Variants in ST18 observed in about 807,000 individuals in gnomAD.
The protein encoded by ST18 is ST18 C2H2C-type zinc finger transcription factor.
Under a neutral mutation model 110.0 loss-of-function variants are expected in ST18, and 50 were observed. The observed-to-expected ratio is 0.45, with a 90% CI of 0.36 to 0.58. The LOEUF is 0.58. Among genes scored for constraint, ST18 ranks in the 20% least tolerant of loss-of-function variants. The pLI is 0.00. For missense variants in ST18, 1,306 were observed against 1,280.1 expected (o/e 1.02, Z -0.31); for synonymous variants, 461 against 452.4 (o/e 1.02, Z -0.24).
intron 13 of ST18, among the ~76,000 whole-genome samples, chr8:52,163,362 A>G (rs1479448842): frequency 6.6e-6 from 1 of 152,216 alleles, no homozygotes; most frequent in East Asian, 1.9e-4. Flanking sequence ...TTTTCCCTAC[A>G]AAAATGATTT....
chr8:52,350,826 T>C lies in ST18; in HGVS notation c.-465+58502A>G, dbSNP rs1434492486. Among the ~76,000 whole-genome samples, 4 of 151,988 alleles carry C rather than the reference T, an allele frequency of 2.6e-5. No individual in the cohort carries two copies. The South Asian group carries it at 8.3e-4, about 32-fold the overall frequency. Reference sequence around the variant, plus strand: ...ACCTCTGCCTCCCGGGTTCAAGCAATTCGATTGCCTCAGCCTCTTGAGTAG... The same window carrying C: ...ACCTCTGCCTCCCGGGTTCAAGCAACTCGATTGCCTCAGCCTCTTGAGTAG... On this transcript the variant is annotated intron_variant, in intron 2 of 25. Transcript: ENST00000689386.
intron 2 of ST18, among the ~76,000 whole-genome samples, chr8:52,309,760 T>C (rs2095873632): frequency 6.6e-6 from 1 of 152,122 alleles, no homozygotes; most frequent in South Asian, 2.1e-4. Context: ...TGCTTCCTTC[T>C]TTTACCTGCA....
Position 52,362,504 on chromosome 8 carries a change from T to C in ST18, c.-465+46824A>G, listed in dbSNP as rs138901911. Among the ~76,000 whole-genome samples, 361 of 152,298 alleles carry C rather than the reference T, an allele frequency of 2.4e-3. 1 individual carries two copies. Among genetic ancestry groups the C allele is most frequent in the South Asian group, 4.4e-3 (21 of 4,826 alleles). The stretch of plus-strand genomic sequence containing the variant: ...TCTCATTTATGAGATTAAACAGTCA[T>C]AGTACAACCTCAACCTACAAACATA... On this transcript the variant is annotated intron_variant, in intron 2 of 25. Transcript: ENST00000689386.
chr8:52,267,314 G>A (rs1474854669), intron 2 of ST18, among the ~76,000 whole-genome samples: 2 of 151,794 alleles, frequency 1.3e-5, no homozygotes, highest in African/African-American at 2.4e-5. Context: ...GGAACCGTCC[G>A]GGAATATGTA....
chr8:52,200,159 C>A (rs1451865492), intron 8 of ST18, among the ~76,000 whole-genome samples: 1 of 150,036 alleles, frequency 6.7e-6, no homozygotes, highest in Non-Finnish European at 1.5e-5. Context: ...TTAAGAGATT[C>A]CTGCTCCACA....
intron 2 of ST18, among the ~76,000 whole-genome samples, chr8:52,316,961 C>T (rs184110054): frequency 5.9e-4 from 90 of 152,206 alleles, no homozygotes; most frequent in Non-Finnish European, 2.2e-4. Flanking sequence ...CTTAAAGAAG[C>T]CTTCATCTCT....
intron 2 of ST18, among the ~76,000 whole-genome samples, chr8:52,308,111 T>C (rs1473373305): frequency 2.0e-5 from 3 of 152,178 alleles, no homozygotes; most frequent in African/African-American, 7.2e-5. Flanking sequence ...CCAGGGAGAA[T>C]GAATGAGCAT....
chr8:52,235,795 A>G (rs1010175869), intron 2 of ST18, among the ~76,000 whole-genome samples: 3 of 152,144 alleles, frequency 2.0e-5, no homozygotes, highest in African/African-American at 7.2e-5. Context: ...TAGCATTACT[A>G]TATCTTTGAC....
chr8:52,353,566 G>A (rs1355359090), intron 2 of ST18, among the ~76,000 whole-genome samples: 2 of 152,158 alleles, frequency 1.3e-5, no homozygotes, highest in East Asian at 3.8e-4. Context: ...TTAACATAGA[G>A]AAACTATTTA....
At chr8:52,269,695 C>T (rs7828951) in intron 2 of ST18, among the ~76,000 whole-genome samples, 46,321 of 151,882 alleles carry the variant, frequency 0.3, 7,269 homozygotes, top group Middle Eastern at 0.45. Context: ...GCCAATTTCA[C>T]GGTGGGATTA....
chr8:52,376,827 G>A (rs1590409356), intron 2 of ST18, among the ~76,000 whole-genome samples: 1 of 152,154 alleles, frequency 6.6e-6, no homozygotes. Context: ...CGAATTCTAA[G>A]GTAATACATG....
chr8:52,178,894 C>G (rs776151712), intron 9 of ST18, among the ~76,000 whole-genome samples: 2 of 151,980 alleles, frequency 1.3e-5, no homozygotes, highest in Non-Finnish European at 2.9e-5. Context: ...GCCAGTATTA[C>G]TGGATCTAGG....
At chr8:52,197,986 G>T (rs577664239) in intron 8 of ST18, among the ~76,000 whole-genome samples, 1 of 152,008 alleles carries the variant, frequency 6.6e-6, no homozygotes, top group Admixed American at 6.6e-5. Flanking sequence ...GACAAAAGGC[G>T]TTTTAAAGAC....
chr8:52,169,830 A>G (rs1394270274), intron 10 of ST18, among the ~76,000 whole-genome samples: 1 of 152,180 alleles, frequency 6.6e-6, no homozygotes, highest in Non-Finnish European at 1.5e-5. Flanking sequence ...TTGATCTTGC[A>G]GAGGCTGCCC....
chr8:52,333,900 AAGTCTC>A (rs1810806411), intron 2 of ST18, among the ~76,000 whole-genome samples: 1 of 151,764 alleles, frequency 6.6e-6, no homozygotes, highest in South Asian at 2.1e-4. Context: ...AGTTTCTGCA[AAGTCTC>A]AGAAAAGCCA....
intron 2 of ST18, among the ~76,000 whole-genome samples, chr8:52,362,051 G>T (rs780350622): frequency 2.0e-5 from 3 of 152,032 alleles, no homozygotes; most frequent in Non-Finnish European, 4.4e-5. Flanking sequence ...AACACTACCT[G>T]GCTTTTAATT....
intron 8 of ST18, among the ~76,000 whole-genome samples, chr8:52,205,687 C>T (rs1336114407): frequency 6.6e-6 from 1 of 152,120 alleles, no homozygotes; most frequent in Non-Finnish European, 1.5e-5. Flanking sequence ...CCTGCTTCAG[C>T]CACCTGAGTA....
At chr8:52,194,984 ATAAATG>A in intron 8 of ST18, among the ~76,000 whole-genome samples, 1 of 152,256 alleles carries the variant, frequency 6.6e-6, no homozygotes, top group African/African-American at 2.4e-5. Flanking sequence ...TAAAATATAA[ATAAATG>A]TCTTTCAATT....
intron 2 of ST18, among the ~76,000 whole-genome samples, chr8:52,383,439 T>A (rs909007524): frequency 6.6e-6 from 1 of 152,176 alleles, no homozygotes; most frequent in Admixed American, 6.5e-5. Flanking sequence ...TTTATTTTTT[T>A]ATTTACTTTT....
Sources: allele counts gnomAD v4.1 joint callset (sites outside exome capture counted in the v4.1 genomes callset), GRCh38; gene constraint gnomAD v4.1.1; transcripts MANE v1.5; gene names NCBI Gene and HGNC (gene_info 2026-07-23, HGNC 2026-07-21).